TSC22D3: variants seen among roughly 807,000 people sequenced by gnomAD.
TSC22D3 encodes TSC22 domain family protein 3.
Under a neutral mutation model 11.1 loss-of-function variants are expected in TSC22D3, and 4 were observed. The ratio of observed to expected loss-of-function variants is 0.36; its 90% confidence interval spans 0.18 to 0.83. TSC22D3 has a LOEUF of 0.83. TSC22D3 is among the 40% of genes least tolerant of loss of function. The pLI is 0.48. For missense variants in TSC22D3, 118 were observed against 159.4 expected (o/e 0.74, Z 1.40); for synonymous variants, 77 against 70.3 (o/e 1.10, Z -0.48).
chrX:107,721,967 G>A (rs1927356130), intron 1 of TSC22D3: 6 of 468,838 alleles, frequency 1.3e-5, no homozygotes, highest in Non-Finnish European at 2.3e-5. Flanking sequence ...TTCCACTCCA[G>A]TGTGGGAGAC....
chrX:107,746,511 T>C (rs1012424873), intron 1 of TSC22D3, among the ~76,000 whole-genome samples: 3 of 111,009 alleles, frequency 2.7e-5, no homozygotes, highest in Non-Finnish European at 3.8e-5. Flanking sequence ...CCAGGAGTAC[T>C]ACTTCCATAT....
intron 1 of TSC22D3, among the ~76,000 whole-genome samples, chrX:107,721,537 C>T (rs954847717): frequency 2.7e-5 from 3 of 111,655 alleles, no homozygotes; most frequent in Non-Finnish European, 5.6e-5. Flanking sequence ...GCACTGTGTA[C>T]CACACAGCCA....
chrX:107,744,496 A>T (rs976991047), intron 1 of TSC22D3, among the ~76,000 whole-genome samples: 1 of 111,385 alleles, frequency 9.0e-6, no homozygotes, highest in Non-Finnish European at 1.9e-5. Context: ...AATAAAAAAA[A>T]TTTAAATTTA....
chrX:107,774,488 A>G (rs761393428), intron 1 of TSC22D3, among the ~76,000 whole-genome samples: 8 of 111,585 alleles, frequency 7.2e-5, no homozygotes, highest in Non-Finnish European at 1.5e-4. Flanking sequence ...CGCTTAGCTT[A>G]CATTTGAAAT....
At position 107,740,732 on chromosome X, in the gene TSC22D3, C is replaced by T. The variant is rs974979135; in HGVS notation, c.321-24782G>A. On this transcript the variant is annotated intron_variant, in intron 1 of 2. Coordinates refer to ENST00000372383, the MANE Select transcript of TSC22D3 (RefSeq NM_198057.3). ...GATTATCTAAGTTTGTGGCCTTGTC[C>T]CTCTTGGTAACCCCCATAGCAACCA... Among the ~76,000 whole-genome samples, 5 of 110,569 alleles carry T rather than the reference C, an allele frequency of 4.5e-5. No homozygotes were observed. The Admixed American group carries it at 4.8e-4, about 11-fold the overall frequency.
chrX:107,768,729 G>A (rs1385109315), intron 1 of TSC22D3, among the ~76,000 whole-genome samples: 2 of 112,630 alleles, frequency 1.8e-5, no homozygotes, highest in Non-Finnish European at 3.7e-5. Context: ...CCTATTCCCA[G>A]TGGGCTGTCA....
intron 1 of TSC22D3, among the ~76,000 whole-genome samples, chrX:107,758,339 C>T (rs1452850084): frequency 1.8e-5 from 2 of 111,760 alleles, no homozygotes; most frequent in East Asian, 2.8e-4. Flanking sequence ...AAGGCACTCT[C>T]TGGTTAATGG....
In TSC22D3 at chrX:107,775,409, G is replaced by A; in HGVS notation, c.11C>T (p.Ser4Phe). 1 of 1,181,369 alleles carries A rather than the reference G, an allele frequency of 8.5e-7. No homozygotes were observed. The change falls in exon 1 of 3, where the codon TCC (serine) becomes TTC (phenylalanine). Residue 4 changes from serine to phenylalanine, a missense_variant. Ser to Phe is a radical substitution (Grantham distance 155). Coordinates refer to ENST00000372383, the MANE Select transcript of TSC22D3 (RefSeq NM_198057.3). Reference sequence around the variant, plus strand: ...GACAGGTGAGCGGCAATCGAGCTTGGACTGGGCCATCTTCTCAGGCTCGGA... The same window carrying A: ...GACAGGTGAGCGGCAATCGAGCTTGAACTGGGCCATCTTCTCAGGCTCGGA... MAQ[S>F]KLDCRSPVGL... is the part of the protein sequence containing the mutation.
At chrX:107,742,378 G>GAGAGAGAGAA (rs1343355950) in intron 1 of TSC22D3, among the ~76,000 whole-genome samples, 2 of 106,779 alleles carry the variant, frequency 1.9e-5, no homozygotes, top group Non-Finnish European at 3.9e-5. Context: ...GAGGGAGGGA[G>GAGAGAGAGAA]AGAGAGAGAA....
chrX:107,736,831 T>A (rs1485331666), intron 1 of TSC22D3, among the ~76,000 whole-genome samples: 2 of 110,835 alleles, frequency 1.8e-5, no homozygotes, highest in Non-Finnish European at 3.8e-5. Context: ...ACCACCCACA[T>A]CCTCTCACAT....
At chrX:107,733,937 T>G (rs1471765810) in intron 1 of TSC22D3, among the ~76,000 whole-genome samples, 1 of 111,894 alleles carries the variant, frequency 8.9e-6, no homozygotes, top group Non-Finnish European at 1.9e-5. Context: ...CCCACCCATT[T>G]TTCCCTTCAC....
chrX:107,742,326 T>TGC lies in TSC22D3; in HGVS notation c.321-26378_321-26377dup, dbSNP rs1296390794. ...GAGAGAGAGAGAGAGAGAGTGTGTG[T>TGC]GCGCGCGCGCGCGGTGTTTAGGAAG... On this transcript the variant is annotated intron_variant, in intron 1 of 2. Coordinates refer to ENST00000372383, the MANE Select transcript of TSC22D3 (RefSeq NM_198057.3). Among the ~76,000 whole-genome samples, 66 of 47,958 alleles carry TGC rather than the reference T, an allele frequency of 1.4e-3. 1 individual carries two copies. Among genetic ancestry groups the TGC allele is most frequent in the African/African-American group, 4.4e-3 (49 of 11,176 alleles). 41.6% of individuals were successfully genotyped at this position (47,958 alleles called of 115,157 possible).
At chrX:107,734,164 C>T (rs764519464) in intron 1 of TSC22D3, among the ~76,000 whole-genome samples, 2 of 111,979 alleles carry the variant, frequency 1.8e-5, no homozygotes, top group Non-Finnish European at 3.8e-5. Flanking sequence ...AGTCCTCTCA[C>T]CTGAAGAAAC....
chrX:107,718,586 C>T (rs1487925070), intron 1 of TSC22D3, among the ~76,000 whole-genome samples: 1 of 113,335 alleles, frequency 8.8e-6, no homozygotes, highest in Non-Finnish European at 1.9e-5. Flanking sequence ...AGTCTGAAGG[C>T]CTTGATTTCC....
chrX:107,772,582 C>T (rs962052065), intron 1 of TSC22D3, among the ~76,000 whole-genome samples: 1 of 111,504 alleles, frequency 9.0e-6, no homozygotes, highest in Admixed American at 9.5e-5. Context: ...ATCAGTGGCT[C>T]ATGCCTGTGA....
intron 1 of TSC22D3, among the ~76,000 whole-genome samples, chrX:107,729,502 C>A (rs1927789384): frequency 8.9e-6 from 1 of 112,367 alleles, no homozygotes; most frequent in Non-Finnish European, 1.9e-5. Context: ...GCAGCAGAAA[C>A]AATACTGACA....
intron 1 of TSC22D3, among the ~76,000 whole-genome samples, chrX:107,748,535 C>G (rs1369514657): frequency 8.9e-6 from 1 of 111,761 alleles, no homozygotes; most frequent in Non-Finnish European, 1.9e-5. Context: ...GCTGGTGGAT[C>G]TGGGGCACGG....
At chrX:107,739,564 G>C (rs753978051) in intron 1 of TSC22D3, among the ~76,000 whole-genome samples, 1 of 112,523 alleles carries the variant, frequency 8.9e-6, no homozygotes, top group Non-Finnish European at 1.9e-5. Flanking sequence ...GTTCACAGGT[G>C]AGAAAAAGAA....
At chrX:107,760,188 CTG>C (rs1248396268) in intron 1 of TSC22D3, among the ~76,000 whole-genome samples, 1 of 113,063 alleles carries the variant, frequency 8.8e-6, no homozygotes, top group Non-Finnish European at 1.9e-5. Context: ...CCTTGCATGA[CTG>C]TGGCTGTGGC....
Sources: allele counts gnomAD v4.1 joint callset (sites outside exome capture counted in the v4.1 genomes callset), GRCh38; gene constraint gnomAD v4.1.1; transcripts MANE v1.5; gene names NCBI Gene and HGNC (gene_info 2026-07-23, HGNC 2026-07-21).